PHKA1: variants seen among roughly 807,000 people sequenced by gnomAD.
PHKA1 encodes the protein phosphorylase kinase regulatory subunit alpha 1, also known as phosphorylase b kinase regulatory subunit alpha, skeletal muscle isoform.
Under a neutral mutation model 110.2 loss-of-function variants are expected in PHKA1, and 60 were observed. That is an observed-to-expected ratio of 0.54 (90% confidence interval 0.44 to 0.68). The LOEUF (loss-of-function observed/expected upper bound fraction) is 0.68, where lower values mean the gene tolerates loss of function less well. Ranked by LOEUF, PHKA1 falls within the 30% of genes least tolerant of loss-of-function variation. PHKA1 has a pLI of 0.00. For missense variants in PHKA1, 801 were observed against 942.5 expected (o/e 0.85, Z 1.97); for synonymous variants, 316 against 333.6 (o/e 0.95, Z 0.58).
At chrX:72,661,294 CT>C in intron 8 of PHKA1, among the ~76,000 whole-genome samples, 1 of 111,247 alleles carries the variant, frequency 9.0e-6, no homozygotes, top group East Asian at 2.8e-4. Flanking sequence ...ATTTTTTTCC[CT>C]GAGTTCCTGC....
At chrX:72,679,868 G>A (rs1197002480) in intron 5 of PHKA1, among the ~76,000 whole-genome samples, 2 of 111,198 alleles carry the variant, frequency 1.8e-5, no homozygotes, top group Non-Finnish European at 1.9e-5. Flanking sequence ...AAAACAATAT[G>A]AAGAAATAAT....
intron 4 of PHKA1, among the ~76,000 whole-genome samples, chrX:72,693,429 T>C (rs1556323924): frequency 8.9e-6 from 1 of 112,278 alleles, no homozygotes; most frequent in Non-Finnish European, 1.9e-5. Flanking sequence ...CAGAGCTTTG[T>C]GTCCTTACAG....
chrX:72,582,712 C>T lies in PHKA1; in HGVS notation c.3298-114G>A, dbSNP rs782181401. 3.7e-5 allele frequency: 20 copies of T among 546,668 alleles called. No homozygotes were observed. The African/African-American group carries it at 4.1e-4, about 11-fold the overall frequency. 45.1% of individuals were successfully genotyped at this position (546,668 alleles called of 1,213,427 possible). A position where few individuals can be genotyped will look rare whatever the true frequency, so the allele number is the denominator to read the frequency against. ...TAGCCATGAGCATTGATTCAGCCCCCTTCAAAATAACTGAGTGAGTAAACT... is the reference window on the plus strand; with the variant it reads ...TAGCCATGAGCATTGATTCAGCCCCTTTCAAAATAACTGAGTGAGTAAACT... On this transcript the variant is annotated intron_variant, in intron 30 of 31. Coordinates refer to ENST00000373542, the MANE Select transcript of PHKA1 (RefSeq NM_002637.4).
intron 16 of PHKA1, among the ~76,000 whole-genome samples, chrX:72,633,244 G>A (rs1379740482): frequency 8.9e-6 from 1 of 111,776 alleles, no homozygotes; most frequent in Non-Finnish European, 1.9e-5. Flanking sequence ...GCCATCTAGT[G>A]TGATTAAGTC....
At chrX:72,675,183 G>A (rs1356576221) in intron 6 of PHKA1, among the ~76,000 whole-genome samples, 14 of 106,127 alleles carry the variant, frequency 1.3e-4, no homozygotes, top group East Asian at 5.8e-4. Flanking sequence ...GTGAGACTCC[G>A]TCTCAAAAAA....
At position 72,580,593 on chromosome X, in the gene PHKA1, A is replaced by G. The variant is rs1271889359; in HGVS notation, c.*409T>C. The G allele has an allele frequency of 5.2e-6, 1 of 193,610 alleles. No homozygotes were observed. The highest frequency in any genetic ancestry group is 9.5e-6 in the Non-Finnish European group (1 of 105,688). 16.0% of individuals were successfully genotyped at this position (193,610 alleles called of 1,213,427 possible). A position where few individuals can be genotyped will look rare whatever the true frequency, so the allele number is the denominator to read the frequency against. On this transcript the variant is annotated 3_prime_UTR_variant, in exon 32 of 32. Coordinates refer to ENST00000373542, the MANE Select transcript of PHKA1 (RefSeq NM_002637.4). ...ATGTCCCAAAGTACCCACCACTCAT[A>G]TACACAATAAAATCACAAAAAAGAA...
intron 14 of PHKA1, among the ~76,000 whole-genome samples, chrX:72,640,736 A>T (rs1161298853): frequency 8.9e-6 from 1 of 111,856 alleles, no homozygotes; most frequent in Non-Finnish European, 1.9e-5. Context: ...CTTACAACTT[A>T]TGAAATTTGG....
chrX:72,612,258 A>C (rs1304307228), intron 21 of PHKA1, among the ~76,000 whole-genome samples: 2 of 111,796 alleles, frequency 1.8e-5, no homozygotes, highest in Non-Finnish European at 3.8e-5. Context: ...ATTTATATAA[A>C]ATGTCCCAAG....
chrX:72,591,101 A>T (rs2052513432), intron 29 of PHKA1, among the ~76,000 whole-genome samples: 1 of 112,008 alleles, frequency 8.9e-6, no homozygotes, highest in Non-Finnish European at 1.9e-5. Context: ...TACTATAAAG[A>T]TACATGCACA....
intron 16 of PHKA1, among the ~76,000 whole-genome samples, chrX:72,629,872 T>TA: frequency 8.9e-6 from 1 of 112,007 alleles, no homozygotes; most frequent in Admixed American, 9.5e-5. Context: ...CACTCTTTAC[T>TA]AGTGTCAACA....
intron 6 of PHKA1, among the ~76,000 whole-genome samples, chrX:72,668,499 T>C (rs1178342829): frequency 8.9e-6 from 1 of 112,332 alleles, no homozygotes; most frequent in Non-Finnish European, 1.9e-5. Flanking sequence ...AAAAATGGTA[T>C]ATCTGTTGCA....
intron 21 of PHKA1, 84 bp from the exon 22 acceptor site, chrX:72,611,268 C>G: frequency 1.3e-6 from 1 of 761,717 alleles, no homozygotes; most frequent in Admixed American, 2.3e-5. Flanking sequence ...AATGAACATG[C>G]CTGTTTTTGA....
At chrX:72,587,792 T>C (rs1328772331) in intron 29 of PHKA1, among the ~76,000 whole-genome samples, 1 of 111,118 alleles carries the variant, frequency 9.0e-6, no homozygotes, top group Non-Finnish European at 1.9e-5. Context: ...TCCTAGTCTC[T>C]GATAAAACAG....
At chrX:72,618,961 A>G in intron 20 of PHKA1, 112 bp from the exon 21 acceptor site, 2 of 734,782 alleles carry the variant, frequency 2.7e-6, no homozygotes, top group Middle Eastern at 3.3e-4. Context: ...GAATTCTTTA[A>G]ATACTAATGA....
At chrX:72,670,342 G>A (rs1488458023) in intron 6 of PHKA1, among the ~76,000 whole-genome samples, 3 of 111,422 alleles carry the variant, frequency 2.7e-5, no homozygotes, top group African/African-American at 9.8e-5. Flanking sequence ...TCACTCTGAT[G>A]GTAGTTTCTT....
intron 21 of PHKA1, among the ~76,000 whole-genome samples, 180 bp downstream of exon 21, chrX:72,618,529 GT>G (rs1421363018): frequency 1.8e-5 from 2 of 111,466 alleles, no homozygotes; most frequent in African/African-American, 3.3e-5. Flanking sequence ...ACTCTATGAG[GT>G]ATATATAATC....
intron 13 of PHKA1, among the ~76,000 whole-genome samples, chrX:72,644,802 A>G (rs868908781): frequency 1.8e-5 from 2 of 111,496 alleles, no homozygotes; most frequent in Non-Finnish European, 3.8e-5. Flanking sequence ...AGAAAAATCC[A>G]TCATGAGATT....
chrX:72,662,765 T>C (rs1158470846), intron 8 of PHKA1, among the ~76,000 whole-genome samples: 2 of 111,690 alleles, frequency 1.8e-5, no homozygotes, highest in African/African-American at 6.5e-5. Flanking sequence ...GCCTAGGCCA[T>C]TGAGGTACTC....
At chrX:72,680,639 G>GT (rs1556314058) in intron 5 of PHKA1, among the ~76,000 whole-genome samples, 7 of 80,273 alleles carry the variant, frequency 8.7e-5, no homozygotes, top group Admixed American at 1.2e-4. Flanking sequence ...GGTGGTTGGC[G>GT]CGCTGCGCTG....
Sources: gnomAD v4.1 joint callset for allele counts (sites outside exome capture counted in the v4.1 genomes callset) on GRCh38, gnomAD v4.1.1 for gene constraint, MANE v1.5 for transcripts, NCBI Gene and HGNC (gene_info 2026-07-23, HGNC 2026-07-21) for gene names.